Variants in PACS1 observed in about 807,000 individuals in gnomAD.
PACS1 encodes PACS-1.
A neutral mutation model predicts 115.0 loss-of-function variants in PACS1; 24 were observed. The ratio of observed to expected loss-of-function variants is 0.21; its 90% CI spans 0.15 to 0.29. The LOEUF (loss-of-function observed/expected upper bound fraction) is 0.29. Among genes scored for constraint, PACS1 ranks in the 10% least tolerant of loss-of-function variants. The pLI, the probability that PACS1 is intolerant of heterozygous loss-of-function variation, is 1.00. For synonymous variants in PACS1, 453 were observed against 504.5 expected, an observed-to-expected ratio of 0.90 and a Z score of 1.37; for missense variants, 838 against 1,251.2, an observed-to-expected ratio of 0.67 and a Z score of 4.98.
chr11:66,237,028 C>T (rs923116589), intron 19 of PACS1, among the ~76,000 whole-genome samples: 1 of 152,200 alleles, frequency 6.6e-6, no homozygotes, highest in African/African-American at 2.4e-5. Context: ...AAGTGATTCT[C>T]CTGCCTCAGC....
rs140998295 is a variant in PACS1, at chr11:66,235,336, G to A, written c.2140G>A (p.Val714Ile). 1.3e-4 allele frequency: 207 copies of A among 1,613,920 alleles called. No individual in the cohort carries two copies. The highest frequency in any genetic ancestry group is 1.6e-4 in the Non-Finnish European group (193 of 1,179,944). Residue 714 changes from valine (V) to isoleucine (I), a missense_variant, in exon 18 of 24, where the codon GTC becomes ATC. By Grantham distance (29) the Val-to-Ile change is conservative. Around this residue, in one of 6 missense-constraint regions of PACS1, gnomAD observed 383 missense variants for 537.0 expected, o/e 0.71. Transcript: ENST00000320580. This position sits in a 1 kb window ranked among gnomAD's most constrained non-coding sequence, Gnocchi z 5.6. ...LDVAGRVMQY[V>I]NGAATTHQLP... Reference sequence around the variant, plus strand: ...CGTGGCAGGGCGGGTGATGCAGTACGTCAACGGGGCAGCCACGACACACCA... The same window carrying A: ...CGTGGCAGGGCGGGTGATGCAGTACATCAACGGGGCAGCCACGACACACCA...
chr11:66,118,769 CAAAA>C (rs397945291), intron 1 of PACS1, among the ~76,000 whole-genome samples: 4 of 83,614 alleles, frequency 4.8e-5, no homozygotes, highest in African/African-American at 9.2e-5. Flanking sequence ...CCCATGTCTA[CAAAA>C]AAAAAAAAAA....
intron 1 of PACS1, among the ~76,000 whole-genome samples, chr11:66,193,070 G>T (rs1201250922): frequency 6.6e-6 from 1 of 152,162 alleles, no homozygotes; most frequent in Admixed American, 6.5e-5. Flanking sequence ...TCCTCCCTTG[G>T]TCTCCTCTTC....
intron 2 of PACS1, among the ~76,000 whole-genome samples, chr11:66,201,429 C>T (rs1037046564): frequency 6.6e-6 from 1 of 151,586 alleles, no homozygotes; most frequent in African/African-American, 2.4e-5. Context: ...CATATCAAAA[C>T]CTATGGGATA....
At chr11:66,177,471 G>A (rs542081819) in intron 1 of PACS1, among the ~76,000 whole-genome samples, 52 of 152,176 alleles carry the variant, frequency 3.4e-4, no homozygotes, top group Middle Eastern at 3.4e-3. Context: ...GATTACAGGT[G>A]TGAGCCACTG....
intron 1 of PACS1, among the ~76,000 whole-genome samples, chr11:66,146,784 C>T (rs1166213438): frequency 1.3e-5 from 2 of 152,248 alleles, no homozygotes; most frequent in Admixed American, 6.5e-5. Flanking sequence ...TAGTGGCTCA[C>T]GCCTGTAACC....
At chr11:66,112,234 T>G (rs1345681577) in intron 1 of PACS1, among the ~76,000 whole-genome samples, 3 of 152,214 alleles carry the variant, frequency 2.0e-5, no homozygotes, top group African/African-American at 7.2e-5. Context: ...AGATCCTGTT[T>G]GGCTTGGCCT....
chr11:66,145,113 A>G (rs1859088834), intron 1 of PACS1, among the ~76,000 whole-genome samples: 1 of 152,240 alleles, frequency 6.6e-6, no homozygotes, highest in African/African-American at 2.4e-5. Flanking sequence ...ATAATACCAG[A>G]CAAAATTGTT....
intron 1 of PACS1, among the ~76,000 whole-genome samples, chr11:66,165,849 C>A (rs983490370): frequency 6.6e-6 from 1 of 152,110 alleles, no homozygotes; most frequent in Non-Finnish European, 1.5e-5. Context: ...ATCAGCAAGA[C>A]CCGTCAGTTC....
intron 1 of PACS1, among the ~76,000 whole-genome samples, chr11:66,152,918 G>A (rs1359065012): frequency 6.6e-6 from 1 of 152,066 alleles, no homozygotes; most frequent in Non-Finnish European, 1.5e-5. Flanking sequence ...CAAAAATGAG[G>A]GCTAAAGACA....
chr11:66,131,311 T>C (rs1858698258), intron 1 of PACS1, among the ~76,000 whole-genome samples: 1 of 152,254 alleles, frequency 6.6e-6, no homozygotes, highest in South Asian at 2.1e-4. Context: ...TCACATGTTA[T>C]TAATATCTTT....
chr11:66,209,921 AT>A (rs1030710876), intron 2 of PACS1, among the ~76,000 whole-genome samples: 65 of 148,028 alleles, frequency 4.4e-4, no homozygotes, highest in Middle Eastern at 3.4e-3. Context: ...ATAAAATTTA[AT>A]TTTTTTTTTT....
At chr11:66,111,126 C>G (rs914699539) in intron 1 of PACS1, among the ~76,000 whole-genome samples, 2 of 152,162 alleles carry the variant, frequency 1.3e-5, no homozygotes, top group Non-Finnish European at 2.9e-5. Flanking sequence ...GTGGTATGGC[C>G]TGTTGCTCCT....
At chr11:66,192,343 A>T (rs1854545627) in intron 1 of PACS1, among the ~76,000 whole-genome samples, 1 of 152,192 alleles carries the variant, frequency 6.6e-6, no homozygotes. Flanking sequence ...CACATCACAG[A>T]CTTTGCAAGG....
intron 4 of PACS1, among the ~76,000 whole-genome samples, chr11:66,214,032 CAAAAAAAAAA>C (rs71036278): frequency 2.3e-5 from 1 of 42,982 alleles, no homozygotes; most frequent in Non-Finnish European, 3.8e-5. Context: ...GACTCCATCT[CAAAAAAAAAA>C]AAAAAAAAAA....
intron 1 of PACS1, among the ~76,000 whole-genome samples, chr11:66,104,401 T>C (rs916059843): frequency 2.0e-5 from 3 of 152,186 alleles, no homozygotes; most frequent in Admixed American, 2.0e-4. Flanking sequence ...CAAACCATGG[T>C]TTGTAGCCCA....
intron 2 of PACS1, among the ~76,000 whole-genome samples, chr11:66,207,128 A>G (rs1432942045): frequency 1.3e-5 from 2 of 152,164 alleles, no homozygotes; most frequent in African/African-American, 4.8e-5. Context: ...GTCGATATGT[A>G]TTTCAAAAAT....
At chr11:66,228,198 T>C (rs1022911228) in intron 11 of PACS1, among the ~76,000 whole-genome samples, 1 of 151,702 alleles carries the variant, frequency 6.6e-6, no homozygotes, top group Non-Finnish European at 1.5e-5. Context: ...AGAAGCGACA[T>C]CTGAGCTGGG....
intron 2 of PACS1, among the ~76,000 whole-genome samples, chr11:66,197,816 T>A (rs541216507): frequency 2.0e-5 from 3 of 152,178 alleles, no homozygotes; most frequent in South Asian, 2.1e-4. Flanking sequence ...AAAAAATAAA[T>A]AAAAAATTCC....
Sources: allele counts gnomAD v4.1 joint callset (sites outside exome capture counted in the v4.1 genomes callset), GRCh38; gene constraint gnomAD v4.1.1; regional missense constraint gnomAD v4.1.1; non-coding constraint Gnocchi (gnomAD v3.1); transcripts MANE v1.5; gene names NCBI Gene and HGNC (gene_info 2026-07-23, HGNC 2026-07-21).